RSPH14: variants seen among roughly 807,000 people sequenced by gnomAD.
The protein encoded by RSPH14 is rhabdoid tumor deletion region gene 1.
Under a neutral mutation model 26.7 loss-of-function variants are expected in RSPH14, and 20 were observed. The observed-to-expected ratio is 0.75, with a 90% CI of 0.53 to 1.09. RSPH14 has a LOEUF of 1.09. Among genes scored for constraint, RSPH14 ranks in the 50% least tolerant of loss-of-function variants. The pLI, the probability that RSPH14 is intolerant of heterozygous loss-of-function variation, is 0.00. For synonymous variants in RSPH14, 177 were observed against 189.3 expected, an observed-to-expected ratio of 0.93 and a Z score of 0.53; for missense variants, 449 against 457.2, an observed-to-expected ratio of 0.98 and a Z score of 0.16.
At chr22:23,122,824 C>A in intron 4 of RSPH14, 1 of 547,576 alleles carries the variant, frequency 1.8e-6, no homozygotes, top group Admixed American at 3.1e-5. Flanking sequence ...GTTGAGATCA[C>A]TGGCACCCAG....
intron 4 of RSPH14, among the ~76,000 whole-genome samples, chr22:23,105,856 G>A (rs1414697178): frequency 6.6e-6 from 1 of 152,214 alleles, no homozygotes; most frequent in Non-Finnish European, 1.5e-5. Flanking sequence ...AAACAGAAGT[G>A]GACTGGGGCT....
Position 23,106,280 on chromosome 22 carries a change from C to T in RSPH14, c.421+27746G>A, listed in dbSNP as rs11703018. Among the ~76,000 whole-genome samples the T allele has an allele frequency of 4.3e-3, 658 of 152,330 alleles. 2 individuals carry two copies. Among genetic ancestry groups the T allele is most frequent in the South Asian group, 9.1e-3 (44 of 4,822 alleles). On this transcript the variant is annotated intron_variant, in intron 4 of 6. Coordinates refer to ENST00000216036, the MANE Select transcript of RSPH14 (RefSeq NM_014433.3). Reference sequence around the variant, plus strand: ...AGTGACATGAGGGTAAGGGGGGTGGCGCCTTGGGCCTGTGCTGGAGAACAG... The same window carrying T: ...AGTGACATGAGGGTAAGGGGGGTGGTGCCTTGGGCCTGTGCTGGAGAACAG...
At chr22:23,177,730 G>A in the RSPH14 span, among the ~76,000 whole-genome samples, 21 of 152,168 alleles carry the variant, frequency 1.4e-4, no homozygotes, top group African/African-American at 5.1e-4. Context: ...CTATCTGGAC[G>A]TGTCCTTGTG....
intron 4 of RSPH14, among the ~76,000 whole-genome samples, chr22:23,100,893 G>A (rs1181448545): frequency 6.6e-6 from 1 of 152,184 alleles, no homozygotes; most frequent in East Asian, 1.9e-4. Flanking sequence ...GCCGTCCTGT[G>A]AACACAGCGT....
chr22:23,169,165 C>T, the RSPH14 span, among the ~76,000 whole-genome samples: 1 of 152,226 alleles, frequency 6.6e-6, no homozygotes, highest in Non-Finnish European at 1.5e-5. Context: ...CCCAGTCACT[C>T]GGAACCTGGG....
chr22:23,159,482 G>C, the RSPH14 span, among the ~76,000 whole-genome samples: 1 of 152,348 alleles, frequency 6.6e-6, no homozygotes, highest in African/African-American at 2.4e-5. Context: ...CCTCACGGAT[G>C]GGGGAATAGT....
chr22:23,096,243 C>T (rs1234684162), intron 4 of RSPH14: 4 of 1,613,948 alleles, frequency 2.5e-6, no homozygotes, highest in Non-Finnish European at 3.4e-6. Context: ...GACATGACCA[C>T]GGGCATTGTG....
chr22:23,138,416 C>T (rs1041764573), intron 3 of RSPH14, among the ~76,000 whole-genome samples: 27 of 152,194 alleles, frequency 1.8e-4, no homozygotes, highest in Non-Finnish European at 1.3e-4. Flanking sequence ...CAAAAATTAG[C>T]TGAGCGTGAT....
Position 23,128,346 on chromosome 22 carries a change from C to G in RSPH14, c.421+5680G>C, listed in dbSNP as rs570634472. On this transcript the variant is annotated intron_variant, in intron 4 of 6. Transcript: ENST00000216036. The stretch of plus-strand genomic sequence containing the variant: ...GGTTCCTGGCCTGCCAGGCCTCCCC[C>G]TCTCATCGGGCTGGGGAGCAGAAGC... Among the ~76,000 whole-genome samples, 20 of 152,322 alleles carry G rather than the reference C, an allele frequency of 1.3e-4. No individual in the cohort carries two copies. In the South Asian group the frequency reaches 3.5e-3, roughly 27 times the overall value.
intron 4 of RSPH14, among the ~76,000 whole-genome samples, chr22:23,114,957 C>T (rs2069781012): frequency 6.6e-6 from 1 of 152,210 alleles, no homozygotes; most frequent in Admixed American, 6.5e-5. Flanking sequence ...CAGAAGCTGG[C>T]AGGGCTGGGG....
At chr22:23,096,822 G>A (rs1172986335) in intron 4 of RSPH14, among the ~76,000 whole-genome samples, 1 of 152,252 alleles carries the variant, frequency 6.6e-6, no homozygotes, top group African/African-American at 2.4e-5. Context: ...ATGGGGTTAA[G>A]AGCTGTTTAG....
At chr22:23,138,403 A>C (rs564001878) in intron 3 of RSPH14, among the ~76,000 whole-genome samples, 4 of 152,176 alleles carry the variant, frequency 2.6e-5, no homozygotes, top group Non-Finnish European at 5.9e-5. Flanking sequence ...TCTACTAAAA[A>C]TACAAAAATT....
At chr22:23,145,558 C>T (rs1185839542), upstream of RSPH14, 4 of 1,598,044 alleles carry the variant, frequency 2.5e-6, no homozygotes, top group Non-Finnish European at 3.4e-6. Flanking sequence ...GCTGGTGAGT[C>T]AGCTCGCCCA....
chr22:23,082,205 TG>T (rs1253880337), intron 4 of RSPH14, among the ~76,000 whole-genome samples: 1 of 151,178 alleles, frequency 6.6e-6, no homozygotes, highest in Non-Finnish European at 1.5e-5. Context: ...TTTTTCGTTG[TG>T]TTTTTTTGTT....
At chr22:23,134,710 C>CA (rs1280246976) in intron 3 of RSPH14, among the ~76,000 whole-genome samples, 8 of 151,160 alleles carry the variant, frequency 5.3e-5, no homozygotes, top group Non-Finnish European at 1.0e-4. Flanking sequence ...ACTAAAAATA[C>CA]AAAAAATCAA....
At chr22:23,178,370 C>T in the RSPH14 span, among the ~76,000 whole-genome samples, 1 of 151,244 alleles carries the variant, frequency 6.6e-6, no homozygotes, top group African/African-American at 2.4e-5. Flanking sequence ...GAGCAGAGAT[C>T]ACTCCACTGC....
intron 4 of RSPH14, among the ~76,000 whole-genome samples, chr22:23,077,855 C>T (rs115006809): frequency 1.5e-3 from 230 of 152,322 alleles, no homozygotes; most frequent in African/African-American, 5.2e-3. Flanking sequence ...CCCCTGTGAA[C>T]TGGTGGTACC....
intron 4 of RSPH14, chr22:23,123,013 G>C (rs2070075601): frequency 2.1e-6 from 2 of 975,308 alleles, no homozygotes; most frequent in Non-Finnish European, 3.2e-6. Context: ...GGCTTCCTCT[G>C]GCAGGGCTGC....
chr22:23,134,219 C>T, intron 3 of RSPH14, 75 bp from the exon 4 acceptor site: 2 of 1,122,648 alleles, frequency 1.8e-6, no homozygotes, highest in African/African-American at 1.5e-5. Flanking sequence ...AGTCAGGGTC[C>T]CTGCTGGAGT....
Sources: allele counts gnomAD v4.1 joint callset (sites outside exome capture counted in the v4.1 genomes callset), GRCh38; gene constraint gnomAD v4.1.1; transcripts MANE v1.5; gene names NCBI Gene and HGNC (gene_info 2026-07-23, HGNC 2026-07-21).